DPP10: variants seen among roughly 807,000 people sequenced by gnomAD.
DPP10 encodes inactive dipeptidyl peptidase 10.
DPP10 carries 33 observed loss-of-function variants against 120.9 expected under a neutral mutation model. That is an observed-to-expected ratio of 0.27 (90% CI 0.21 to 0.37). The LOEUF (loss-of-function observed/expected upper bound fraction) is 0.37. DPP10 is among the 10% of genes least tolerant of loss of function. DPP10 has a pLI of 1.00. For synonymous variants in DPP10, 337 were observed against 326.1 expected (o/e 1.03, Z -0.36); for missense variants, 816 against 942.8 (o/e 0.87, Z 1.76).
intron 1 of DPP10, among the ~76,000 whole-genome samples, chr2:115,084,589 T>C (rs1016604655): frequency 1.3e-5 from 2 of 152,224 alleles, no homozygotes; most frequent in Non-Finnish European, 2.9e-5. Context: ...AAGCTGTTTT[T>C]GTGTTCTTGA....
intron 1 of DPP10, among the ~76,000 whole-genome samples, chr2:114,973,436 T>C (rs1001237590): frequency 6.6e-5 from 10 of 150,668 alleles, no homozygotes; most frequent in African/African-American, 2.2e-4. Flanking sequence ...ACGAGGCGGG[T>C]GGATCACGAG....
intron 1 of DPP10, among the ~76,000 whole-genome samples, chr2:115,108,546 CAA>C (rs1161942345): frequency 6.6e-6 from 1 of 152,072 alleles, no homozygotes; most frequent in Non-Finnish European, 1.5e-5. Context: ...ACAAATCATA[CAA>C]AACAAATCTC....
At chr2:114,737,650 T>A (rs1677584228) in intron 1 of DPP10, among the ~76,000 whole-genome samples, 1 of 152,158 alleles carries the variant, frequency 6.6e-6, no homozygotes, top group Non-Finnish European at 1.5e-5. Flanking sequence ...AGTCACATGG[T>A]GATCTGAAAT....
At chr2:114,914,901 G>A (rs976079664) in intron 1 of DPP10, among the ~76,000 whole-genome samples, 5 of 152,212 alleles carry the variant, frequency 3.3e-5, no homozygotes, top group African/African-American at 7.2e-5. Context: ...GGAGGCCGAG[G>A]CGGGCGGATC....
intron 2 of DPP10, among the ~76,000 whole-genome samples, chr2:115,331,859 A>G (rs11686229): frequency 0.78 from 116,238 of 149,596 alleles, 45,341 homozygotes; most frequent in Non-Finnish European, 0.82. Context: ...ATCAATGTTC[A>G]TCAGGGATAT....
At chr2:115,093,296 C>T (rs1709433559) in intron 1 of DPP10, among the ~76,000 whole-genome samples, 2 of 151,988 alleles carry the variant, frequency 1.3e-5, no homozygotes, top group African/African-American at 4.8e-5. Context: ...CAGTGTGCAT[C>T]ATAAAACAGT....
intron 1 of DPP10, among the ~76,000 whole-genome samples, chr2:114,820,987 G>T (rs558003912): frequency 6.6e-6 from 1 of 152,362 alleles, no homozygotes; most frequent in African/African-American, 2.4e-5. Flanking sequence ...TTGAGAAGTG[G>T]AGAGTTTAAT....
At chr2:115,255,091 C>T (rs1298486060) in intron 1 of DPP10, among the ~76,000 whole-genome samples, 1 of 152,222 alleles carries the variant, frequency 6.6e-6, no homozygotes. Context: ...GAGAGGTTCT[C>T]CATGAAGGCT....
At position 114,461,798 on chromosome 2, in the gene DPP10, C is replaced by T. The variant is rs58524331; in HGVS notation, c.60+18960C>T. 4.3e-3 allele frequency: 4,227 copies of T among 985,340 alleles called. 136 individuals carry two copies. The African/African-American group carries it at 0.07, about 16-fold the overall frequency. The allele number at this position is 985,340 out of a possible 1,614,324, so 61.0% of individuals were successfully genotyped here. On this transcript the variant is annotated intron_variant, in intron 1 of 25. Transcript: ENST00000410059. Reference sequence around the variant, plus strand: ...ATTGGAGGATTAGAGAAATAATATACACAAGTACCTGGTACATACCAAATA... The same window carrying T: ...ATTGGAGGATTAGAGAAATAATATATACAAGTACCTGGTACATACCAAATA...
At chr2:114,562,111 C>T (rs1417848320) in intron 1 of DPP10, among the ~76,000 whole-genome samples, 2 of 152,154 alleles carry the variant, frequency 1.3e-5, no homozygotes, top group Non-Finnish European at 2.9e-5. Flanking sequence ...ATGAATTCAA[C>T]CAATATTACA....
intron 1 of DPP10, among the ~76,000 whole-genome samples, chr2:114,595,829 C>A (rs1691861531): frequency 6.6e-6 from 1 of 152,072 alleles, no homozygotes; most frequent in Non-Finnish European, 1.5e-5. Flanking sequence ...ACTTCAGGCA[C>A]CTGGAGCAAT....
chr2:115,278,542 C>T (rs961803968), intron 1 of DPP10, among the ~76,000 whole-genome samples: 13 of 152,114 alleles, frequency 8.5e-5, no homozygotes, highest in African/African-American at 2.9e-4. Context: ...AAGCACGGTG[C>T]CAACATCTGC....
At chr2:115,485,690 A>T (rs1191985418) in intron 3 of DPP10, among the ~76,000 whole-genome samples, 3 of 152,120 alleles carry the variant, frequency 2.0e-5, no homozygotes, top group Non-Finnish European at 4.4e-5. Flanking sequence ...TTATGTCATT[A>T]TGCATTTGAA....
At chr2:114,581,488 A>G (rs941930553) in intron 1 of DPP10, among the ~76,000 whole-genome samples, 1 of 152,052 alleles carries the variant, frequency 6.6e-6, no homozygotes, top group African/African-American at 2.4e-5. Flanking sequence ...CAGCCAAAAT[A>G]TAAAACATTA....
In DPP10 at chr2:114,853,979, A is replaced by G. The variant is rs909764695; in HGVS notation, c.60+411141A>G. 2.6e-5 allele frequency among the ~76,000 whole-genome samples: 4 copies of G among 152,202 alleles called. No individual in the cohort carries two copies. The South Asian group carries it at 8.3e-4, about 32-fold the overall frequency. ...TGGAGAGCCTAAGCCAGAGCCACCT[A>G]ATTAACCAGCCCTGGATTCTTGACT... On this transcript the variant is annotated intron_variant, in intron 1 of 25. Transcript: ENST00000410059.
chr2:114,801,079 C>G (rs370531736), intron 1 of DPP10, among the ~76,000 whole-genome samples: 1 of 151,414 alleles, frequency 6.6e-6, no homozygotes, highest in African/African-American at 2.4e-5. Flanking sequence ...CTGACTAACA[C>G]GGTAAAACCC....
chr2:115,756,503 G>A (rs972387582), intron 11 of DPP10, among the ~76,000 whole-genome samples: 6 of 151,872 alleles, frequency 4.0e-5, no homozygotes, highest in African/African-American at 1.2e-4. Context: ...CATCACCAAA[G>A]TGAATGTATG....
At chr2:115,143,183 G>A (rs972236933) in intron 1 of DPP10, among the ~76,000 whole-genome samples, 4 of 152,178 alleles carry the variant, frequency 2.6e-5, no homozygotes, top group Admixed American at 2.0e-4. Flanking sequence ...AGCAGTGGAT[G>A]AGCATGGTGC....
At chr2:115,287,021 G>T (rs571974422) in intron 1 of DPP10, among the ~76,000 whole-genome samples, 10 of 152,000 alleles carry the variant, frequency 6.6e-5, no homozygotes, top group Non-Finnish European at 1.0e-4. Context: ...GTACATTTAT[G>T]ATCTAGAATA....
Sources: allele counts gnomAD v4.1 joint callset (sites outside exome capture counted in the v4.1 genomes callset), GRCh38; gene constraint gnomAD v4.1.1; transcripts MANE v1.5; gene names NCBI Gene and HGNC (gene_info 2026-07-23, HGNC 2026-07-21).